SYNPR: variants seen among roughly 807,000 people sequenced by gnomAD.
The protein encoded by SYNPR is synaptoporin.
Under a neutral mutation model 32.9 loss-of-function variants are expected in SYNPR, and 23 were observed. The ratio of observed to expected loss-of-function variants is 0.70; its 90% CI spans 0.50 to 0.99. The LOEUF (loss-of-function observed/expected upper bound fraction) is 0.99. Ranked by LOEUF, SYNPR falls within the 50% of genes least tolerant of loss-of-function variation. The probability of loss-of-function intolerance (pLI) is 0.00; values close to 1 mark genes in which losing one functional copy is unlikely to be tolerated. For synonymous variants in SYNPR, 146 were observed against 135.9 expected (o/e 1.07, Z -0.52); for missense variants, 318 against 349.3 (o/e 0.91, Z 0.71).
intron 2 of SYNPR, among the ~76,000 whole-genome samples, chr3:63,285,723 T>C (rs2086674203): frequency 6.6e-6 from 1 of 152,198 alleles, no homozygotes; most frequent in Non-Finnish European, 1.5e-5. Flanking sequence ...ATGCTTCTTA[T>C]GGATTTGAAT....
At chr3:63,258,728 G>T (rs905723953) in intron 2 of SYNPR, among the ~76,000 whole-genome samples, 2 of 151,884 alleles carry the variant, frequency 1.3e-5, no homozygotes, top group Non-Finnish European at 2.9e-5. Flanking sequence ...GATCAGAGCA[G>T]AACTGAAGGA....
intron 5 of SYNPR, among the ~76,000 whole-genome samples, chr3:63,611,687 C>CT (rs796888606): frequency 1.4e-4 from 21 of 152,066 alleles, no homozygotes; most frequent in African/African-American, 4.6e-4. Context: ...AACTTTATTT[C>CT]TTTTTTTTCA....
At chr3:63,317,589 CT>C (rs2087056687) in intron 2 of SYNPR, among the ~76,000 whole-genome samples, 1 of 151,958 alleles carries the variant, frequency 6.6e-6, no homozygotes, top group South Asian at 2.1e-4. Flanking sequence ...CACAAAATGC[CT>C]TTTTCCAACC....
At chr3:63,313,376 C>A (rs4688393) in intron 2 of SYNPR, among the ~76,000 whole-genome samples, 64,934 of 150,890 alleles carry the variant, frequency 0.43, 14,207 homozygotes, top group Middle Eastern at 0.52. Context: ...CCCACTCTTT[C>A]CTCCAGGTCC....
chr3:63,455,991 G>A (rs1700474946), intron 2 of SYNPR, among the ~76,000 whole-genome samples: 1 of 152,086 alleles, frequency 6.6e-6, no homozygotes, highest in African/African-American at 2.4e-5. Flanking sequence ...CATGGCTGGG[G>A]AGGCCTCACA....
intron 2 of SYNPR, among the ~76,000 whole-genome samples, chr3:63,325,753 T>G (rs930064231): frequency 2.0e-5 from 3 of 151,870 alleles, no homozygotes; most frequent in African/African-American, 7.3e-5. Flanking sequence ...CGGTGGAAAC[T>G]GTCCATCCAC....
At chr3:63,519,135 T>C (rs1395713673) in intron 3 of SYNPR, among the ~76,000 whole-genome samples, 1 of 152,188 alleles carries the variant, frequency 6.6e-6, no homozygotes, top group Non-Finnish European at 1.5e-5. Context: ...TGGATTAGTT[T>C]TTTGATGTGC....
intron 2 of SYNPR, among the ~76,000 whole-genome samples, chr3:63,457,749 C>A (rs977269536): frequency 6.6e-6 from 1 of 152,076 alleles, no homozygotes; most frequent in Non-Finnish European, 1.5e-5. Flanking sequence ...GAGCTCAAAC[C>A]ATATTGTAGA....
intron 2 of SYNPR, among the ~76,000 whole-genome samples, chr3:63,455,787 G>GTGTGTGTGTGTGTGTGT (rs1559504354): frequency 2.0e-5 from 3 of 151,212 alleles, no homozygotes; most frequent in African/African-American, 4.9e-5. Context: ...GTGTGTGTGT[G>GTGTGTGTGTGTGTGTGT]GATCTTCAGA....
chr3:63,273,277 G>A (rs1177045845), intron 3 of SYNPR, among the ~76,000 whole-genome samples: 2 of 152,106 alleles, frequency 1.3e-5, no homozygotes, highest in African/African-American at 4.8e-5. Context: ...GGGAGTAGGA[G>A]GAAAATCCTG....
At chr3:63,572,834 C>A (rs1702912789) in intron 4 of SYNPR, among the ~76,000 whole-genome samples, 1 of 152,030 alleles carries the variant, frequency 6.6e-6, no homozygotes, top group South Asian at 2.1e-4. Context: ...GAACTTAGAC[C>A]TCCAGAAGCC....
At chr3:63,205,900 T>C in the SYNPR span, among the ~76,000 whole-genome samples, 3 of 152,250 alleles carry the variant, frequency 2.0e-5, no homozygotes, top group African/African-American at 4.8e-5. Flanking sequence ...CAGAGCATGT[T>C]AAATACAGCG....
rs1348755188 is a variant in SYNPR, at chr3:63,363,811, C to A, written c.84+85069C>A. 2.6e-5 allele frequency among the ~76,000 whole-genome samples: 4 copies of A among 152,282 alleles called. No individual in the cohort carries two copies. In the East Asian group the frequency reaches 5.8e-4, roughly 22 times the overall value. On this transcript the variant is annotated intron_variant, in intron 2 of 5. Transcript: ENST00000478300. ...CTAGAATGTTCATACTTTCAGGTTA[C>A]AGTGAAAGTGCTATAAGACTCATAT...
At chr3:63,407,971 T>C (rs2088383692) in intron 2 of SYNPR, among the ~76,000 whole-genome samples, 1 of 151,898 alleles carries the variant, frequency 6.6e-6, no homozygotes, top group Admixed American at 6.6e-5. Context: ...GCCATCTTTC[T>C]ATTGAATGAT....
At chr3:63,393,984 A>G (rs1435799045) in intron 2 of SYNPR, among the ~76,000 whole-genome samples, 1 of 152,088 alleles carries the variant, frequency 6.6e-6, no homozygotes, top group Non-Finnish European at 1.5e-5. Flanking sequence ...TGCTGTACTC[A>G]CTTTTATTAC....
intron 2 of SYNPR, among the ~76,000 whole-genome samples, chr3:63,262,482 T>C (rs1018235871): frequency 9.9e-5 from 15 of 152,126 alleles, no homozygotes; most frequent in African/African-American, 3.4e-4. Context: ...AGGCATTAAC[T>C]CCCCTGCACT....
At chr3:63,403,761 G>T (rs144934591) in intron 2 of SYNPR, among the ~76,000 whole-genome samples, 4 of 152,246 alleles carry the variant, frequency 2.6e-5, no homozygotes, top group African/African-American at 9.6e-5. Flanking sequence ...GCTGGAAGGA[G>T]ACCAGGATGT....
At chr3:63,548,389 G>GA (rs556387750) in intron 3 of SYNPR, among the ~76,000 whole-genome samples, 1 of 151,928 alleles carries the variant, frequency 6.6e-6, no homozygotes, top group East Asian at 1.9e-4. Flanking sequence ...TACTTGGGGG[G>GA]AAAAATGAGA....
At position 63,585,516 on chromosome 3, in the gene SYNPR, G is replaced by T. The variant is rs563909791; in HGVS notation, c.409-23609G>T. The stretch of plus-strand genomic sequence containing the variant: ...AAATAACAACACAACATTTTGGGGG[G>T]TTGCACTGTATAACACTACACATTG... On this transcript the variant is annotated intron_variant, in intron 4 of 5. Transcript: ENST00000478300. Among the ~76,000 whole-genome samples the T allele has an allele frequency of 2.2e-4, 34 of 151,962 alleles. No individual in the cohort carries two copies. The East Asian group carries it at 4.1e-3, about 18-fold the overall frequency.
Sources: allele counts gnomAD v4.1 joint callset (sites outside exome capture counted in the v4.1 genomes callset), GRCh38; gene constraint gnomAD v4.1.1; transcripts MANE v1.5; gene names NCBI Gene and HGNC (gene_info 2026-07-23, HGNC 2026-07-21).